The following ROBO2 variants were observed in gnomAD, a reference collection of about 807,000 sequenced individuals.
ROBO2 encodes the protein roundabout homolog 2.
In ROBO2, 53 loss-of-function variants were observed where a neutral mutation model predicts 160.8. The ratio of observed to expected loss-of-function variants is 0.33; its 90% confidence interval spans 0.26 to 0.41. The LOEUF is 0.41. ROBO2 is among the 10% of genes least tolerant of loss of function. The pLI is 1.00. For missense variants in ROBO2, 1,577 were observed against 1,722.4 expected, an observed-to-expected ratio of 0.92 and a Z score of 1.49; for synonymous variants, 664 against 611.7, an observed-to-expected ratio of 1.09 and a Z score of -1.26.
chr3:76,459,988 GA>G (rs1379891608), intron 2 of ROBO2, among the ~76,000 whole-genome samples: 2 of 152,074 alleles, frequency 1.3e-5, no homozygotes, highest in Non-Finnish European at 2.9e-5. Context: ...ATGAATGTAA[GA>G]ATATTACTAT....
At chr3:77,040,526 G>T (rs1018025773) in exon 1 of ROBO2, 3 of 1,366,586 alleles carry the variant, frequency 2.2e-6, no homozygotes, top group Admixed American at 6.2e-5. Context: ...GGCTGAATTT[G>T]TGGGAATTTA....
At chr3:76,213,941 A>G (rs775119857) in intron 2 of ROBO2, among the ~76,000 whole-genome samples, 5 of 152,206 alleles carry the variant, frequency 3.3e-5, no homozygotes, top group Non-Finnish European at 1.5e-5. Context: ...TGATATAGAT[A>G]TAGATATACA....
chr3:77,139,263 T>G (rs1303928319), intron 2 of ROBO2, among the ~76,000 whole-genome samples: 1 of 152,188 alleles, frequency 6.6e-6, no homozygotes, highest in Non-Finnish European at 1.5e-5. Context: ...ACAAGTAATT[T>G]TCTGATGTTG....
intron 2 of ROBO2, among the ~76,000 whole-genome samples, chr3:77,322,722 G>T (rs2064850811): frequency 1.4e-5 from 2 of 138,976 alleles, no homozygotes; most frequent in East Asian, 2.1e-4. Flanking sequence ...CAAGAACATA[G>T]GTCTAATATA....
chr3:76,922,947 A>G lies in ROBO2; in HGVS notation c.110-175067A>G, dbSNP rs144448043. ...AGGGTGCAAAAGTAACATGTTTTCA[A>G]TCTTCTCATGATCAGGAATTCATCT... On this transcript the variant is annotated intron_variant, in intron 2 of 26. Transcript: ENST00000487694. 3.6e-3 allele frequency among the ~76,000 whole-genome samples: 545 copies of G among 152,320 alleles called. 3 individuals are homozygous for G. The highest frequency in any genetic ancestry group is 0.012 in the African/African-American group (513 of 41,578).
rs973337403 is a variant in ROBO2, at chr3:76,288,734, C to T, written c.109+351132C>T. Among the ~76,000 whole-genome samples the T allele has an allele frequency of 5.9e-5, 9 of 152,178 alleles. No homozygotes were observed. The East Asian group carries it at 7.8e-4, about 13-fold the overall frequency. On this transcript the variant is annotated intron_variant, in intron 2 of 26. Transcript: ENST00000487694. ...TAGCTCTCACTCATAAGTGAGAATA[C>T]GTAAAATTTGATTTTCTGTTCATAC...
intron 2 of ROBO2, among the ~76,000 whole-genome samples, chr3:77,341,845 A>C (rs1040700199): frequency 2.0e-5 from 3 of 151,804 alleles, no homozygotes; most frequent in African/African-American, 4.8e-5. Context: ...TAAAAAAAAA[A>C]CTTTAAAAAT....
intron 2 of ROBO2, among the ~76,000 whole-genome samples, chr3:75,963,507 A>G (rs577005213): frequency 6.6e-6 from 1 of 151,914 alleles, no homozygotes; most frequent in East Asian, 2.0e-4. Flanking sequence ...GTTTTTTTAA[A>G]ATTGTCATTA....
chr3:76,981,208 G>A (rs2149327442), intron 2 of ROBO2, among the ~76,000 whole-genome samples: 1 of 152,310 alleles, frequency 6.6e-6, no homozygotes, highest in East Asian at 1.9e-4. Context: ...TATACCTGAA[G>A]AGGATTGCTG....
chr3:77,223,028 G>A (rs1285685227), intron 2 of ROBO2, among the ~76,000 whole-genome samples: 1 of 152,154 alleles, frequency 6.6e-6, no homozygotes, highest in East Asian at 1.9e-4. Flanking sequence ...GGGAAAATGA[G>A]TTTCAAGATC....
chr3:77,246,327 A>ATGTGTGTGTGTGTGTGTGTGTG (rs71104664), intron 2 of ROBO2, among the ~76,000 whole-genome samples: 1 of 145,732 alleles, frequency 6.9e-6, no homozygotes, highest in East Asian at 2.0e-4. Flanking sequence ...GTGTATGTGT[A>ATGTGTGTGTGTGTGTGTGTGTG]TGTGTGTGTG....
At chr3:76,587,939 AT>A (rs552737781) in intron 2 of ROBO2, among the ~76,000 whole-genome samples, 149 of 152,178 alleles carry the variant, frequency 9.8e-4, no homozygotes, top group African/African-American at 3.5e-3. Flanking sequence ...CACCTAATTC[AT>A]TTTTTAGCTA....
At chr3:76,537,650 TC>T (rs1373657955) in intron 2 of ROBO2, among the ~76,000 whole-genome samples, 2 of 151,640 alleles carry the variant, frequency 1.3e-5, no homozygotes, top group East Asian at 3.9e-4. Flanking sequence ...CCCGAAGGAG[TC>T]CCCCTGTCCC....
intron 2 of ROBO2, among the ~76,000 whole-genome samples, chr3:77,474,594 G>A (rs532121021): frequency 3.1e-4 from 47 of 151,768 alleles, no homozygotes; most frequent in African/African-American, 1.0e-3. Context: ...TTTGACATAC[G>A]TGTCAAGTCA....
At chr3:76,360,411 T>A (rs1239095263) in intron 2 of ROBO2, among the ~76,000 whole-genome samples, 7 of 152,014 alleles carry the variant, frequency 4.6e-5, no homozygotes, top group Admixed American at 3.3e-4. Flanking sequence ...AAGAATATTT[T>A]AAAAAAATTT....
chr3:76,657,280 C>G lies in ROBO2; in HGVS notation c.110-440734C>G, dbSNP rs145788790. 4.6e-3 allele frequency among the ~76,000 whole-genome samples: 698 copies of G among 151,946 alleles called. 3 individuals carry two copies. Among genetic ancestry groups the G allele is most frequent in the African/African-American group, 0.016 (656 of 41,454 alleles). On this transcript the variant is annotated intron_variant, in intron 2 of 26. Coordinates refer to the ROBO2 transcript ENST00000487694. Reference sequence around the variant, plus strand: ...CACTACTAAAAATACAAAAAATTATCTGGGCTTGGTGGCGGGCGCCTGTAG... The same window carrying G: ...CACTACTAAAAATACAAAAAATTATGTGGGCTTGGTGGCGGGCGCCTGTAG...
At chr3:76,457,927 G>T (rs2077861606) in intron 2 of ROBO2, among the ~76,000 whole-genome samples, 1 of 152,070 alleles carries the variant, frequency 6.6e-6, no homozygotes, top group African/African-American at 2.4e-5. Flanking sequence ...TCTCTCAGCT[G>T]CACACAGCAC....
intron 2 of ROBO2, among the ~76,000 whole-genome samples, chr3:76,430,426 T>G (rs1208518351): frequency 6.6e-6 from 1 of 152,310 alleles, no homozygotes; most frequent in South Asian, 2.1e-4. Context: ...AAATGCCAGC[T>G]GTTTTACACT....
intron 2 of ROBO2, among the ~76,000 whole-genome samples, chr3:77,251,691 A>G (rs1209007282): frequency 1.3e-5 from 2 of 152,016 alleles, no homozygotes; most frequent in African/African-American, 4.8e-5. Flanking sequence ...AGATGATTGA[A>G]TCACGGGGGC....
Sources: allele counts gnomAD v4.1 joint callset (sites outside exome capture counted in the v4.1 genomes callset), GRCh38; gene constraint gnomAD v4.1.1; transcripts MANE v1.5; gene names NCBI Gene and HGNC (gene_info 2026-07-23, HGNC 2026-07-21).